The following TRIM67 variants were observed in gnomAD, a reference collection of about 807,000 sequenced individuals.
TRIM67 encodes the protein tripartite motif containing 67, also known as tripartite motif-containing protein 67.
In TRIM67, 39 loss-of-function variants were observed where a neutral mutation model predicts 71.0. The ratio of observed to expected loss-of-function variants is 0.55; its 90% confidence interval spans 0.43 to 0.72. The LOEUF (loss-of-function observed/expected upper bound fraction) is 0.72, where lower values mean the gene tolerates loss of function less well. Among genes scored for constraint, TRIM67 ranks in the 30% least tolerant of loss-of-function variants. The pLI is 0.00. For synonymous variants in TRIM67, 481 were observed against 473.9 expected (o/e 1.01, Z -0.19); for missense variants, 973 against 1,079.2 (o/e 0.90, Z 1.38).
At chr1:231,170,186 G>A (rs954114616) in intron 1 of TRIM67, among the ~76,000 whole-genome samples, 17 of 151,768 alleles carry the variant, frequency 1.1e-4, no homozygotes, top group South Asian at 8.3e-4. Context: ...GGGTTTCCCC[G>A]TGTTGGTCAA....
intron 1 of TRIM67, among the ~76,000 whole-genome samples, chr1:231,176,946 G>T (rs541092606): frequency 7.7e-6 from 1 of 129,914 alleles, no homozygotes; most frequent in Non-Finnish European, 1.6e-5. Flanking sequence ...ATCTCAATTT[G>T]CTCAGCTAAG....
rs1029904521 is a variant in TRIM67 at position 231,163,700 on chromosome 1, C to T, written c.731C>T (p.Pro244Leu). 2.0e-6 allele frequency: 3 copies of T among 1,508,146 alleles called. No individual in the cohort carries two copies. Among genetic ancestry groups the T allele is most frequent in the African/African-American group, 2.9e-5 (2 of 68,846 alleles). The allele number at this position is 1,508,146 out of a possible 1,614,324, so 93.4% of individuals were successfully genotyped here. Reference protein sequence around the residue: ...CQLKCHPSRGPFAKHRLVQPP... With the variant: ...CQLKCHPSRGLFAKHRLVQPP... ...CTCAAGTGCCATCCATCCCGGGGAC[C>T]CTTCGCCAAGCATCGCCTGGTGCAG... Residue 244 changes from proline (P) to leucine (L), a missense_variant, in exon 1 of 10, where the codon CCC becomes CTC. Transcript: ENST00000366653.
rs1682337123 is a variant in TRIM67, at chr1:231,163,143, G to A, written c.174G>A (p.Gln58=). 6.6e-7 allele frequency: 1 copy of A among 1,516,158 alleles called. No individual in the cohort carries two copies. The highest frequency in any genetic ancestry group is 1.2e-5 in the South Asian group (1 of 80,958). The allele number at this position is 1,516,158 out of a possible 1,614,324, so 93.9% of individuals were successfully genotyped here. ...TGCTTTCCCGGGGATCGGGGCTGCA[G>A]GCGGGCGCCGCCGCCGCTGCCTCTC... ...PLLLSRGSGL[Q]AGAAAAASLE... Residue 58 remains glutamine, a synonymous_variant, in exon 1 of 10, where the codon CAG becomes CAA. Coordinates refer to ENST00000366653, the MANE Select transcript of TRIM67 (RefSeq NM_001004342.5).
At chr1:231,169,168 C>T (rs1362833775) in intron 1 of TRIM67, among the ~76,000 whole-genome samples, 1 of 152,070 alleles carries the variant, frequency 6.6e-6, no homozygotes, top group Non-Finnish European at 1.5e-5. Flanking sequence ...GTGATTCTGC[C>T]TCAGCCTCCC....
chr1:231,200,310 G>C, intron 4 of TRIM67, 52 bp downstream of exon 4: 2 of 1,251,006 alleles, frequency 1.6e-6, no homozygotes, highest in Non-Finnish European at 2.3e-6. Flanking sequence ...CTGTCCCACT[G>C]TTCCCCAAAT....
Position 231,163,195 on chromosome 1 carries a change from G to T in TRIM67, c.226G>T (p.Ala76Ser). Reference protein sequence around the residue: ...SLEHDAAAGPACGGAGGSAAG... With the variant: ...SLEHDAAAGPSCGGAGGSAAG... Reference sequence around the variant, plus strand: ...GGAGCACGACGCTGCGGCTGGCCCGGCCTGCGGCGGTGCAGGCGGGAGTGC... The same window carrying T: ...GGAGCACGACGCTGCGGCTGGCCCGTCCTGCGGCGGTGCAGGCGGGAGTGC... Residue 76 changes from alanine to serine, a missense_variant, in exon 1 of 10, where the codon GCC (alanine) becomes TCC (serine). Physicochemically the swap from Ala to Ser is moderately conservative, Grantham distance 99. Coordinates refer to ENST00000366653, the MANE Select transcript of TRIM67 (RefSeq NM_001004342.5). The T allele has an allele frequency of 6.7e-7, 1 of 1,497,072 alleles. No homozygotes were observed. The highest frequency in any genetic ancestry group is 8.9e-7 in the Non-Finnish European group (1 of 1,126,008). The allele number at this position is 1,497,072 out of a possible 1,614,324, so 92.7% of individuals were successfully genotyped here. A position where few individuals can be genotyped will look rare whatever the true frequency, so the allele number is the denominator to read the frequency against.
chr1:231,172,104 A>G lies in TRIM67; in HGVS notation c.1044+8091A>G, dbSNP rs563732371. On this transcript the variant is annotated intron_variant, in intron 1 of 9. Coordinates refer to ENST00000366653, the MANE Select transcript of TRIM67 (RefSeq NM_001004342.5). Reference sequence around the variant, plus strand: ...CCCAACTCTAAAAACAAACAAACCAACAAACCAACAAAAACGGCCCCCTTT... The same window carrying G: ...CCCAACTCTAAAAACAAACAAACCAGCAAACCAACAAAAACGGCCCCCTTT... 9.9e-5 allele frequency among the ~76,000 whole-genome samples: 15 copies of G among 152,220 alleles called. No homozygotes were observed. The East Asian group carries it at 2.7e-3, about 27-fold the overall frequency.
At chr1:231,214,089 T>C in intron 9 of TRIM67, 112 bp downstream of exon 9, 1 of 1,288,488 alleles carries the variant, frequency 7.8e-7, no homozygotes, top group Admixed American at 2.9e-5. Flanking sequence ...CACAGAGCCT[T>C]CCCAGACAGA....
At chr1:231,174,154 T>TC (rs1424757155) in intron 1 of TRIM67, among the ~76,000 whole-genome samples, 1 of 27,894 alleles carries the variant, frequency 3.6e-5, no homozygotes, top group Non-Finnish European at 1.0e-4. Context: ...CTTATTTTCT[T>TC]TTTTTTTTTT....
In TRIM67 at chr1:231,163,018, C is replaced by T. The variant is rs774611136; in HGVS notation, c.49C>T (p.Pro17Ser). 6.2e-7 allele frequency: 1 copy of T among 1,612,794 alleles called. No individual in the cohort carries two copies. Among genetic ancestry groups the T allele is most frequent in the South Asian group, 1.1e-5 (1 of 90,890 alleles). ...CGTGTGCGGCTCTCTGTTTCGGGAG[C>T]CTATCATCCTGCCCTGTTCCCACAA... ...CPVCGSLFRE[P>S]IILPCSHNVC... Residue 17 changes from proline to serine, a missense_variant, in exon 1 of 10, where the codon CCT (proline) becomes TCT (serine). Around this residue, in one of 2 missense-constraint regions of TRIM67, gnomAD observed 795 missense variants for 831.3 expected, o/e 0.96. Transcript: ENST00000366653.
chr1:231,182,395 T>TA (rs1198571528), intron 1 of TRIM67, among the ~76,000 whole-genome samples: 1 of 151,472 alleles, frequency 6.6e-6, no homozygotes, highest in Non-Finnish European at 1.5e-5. Context: ...GACCCTGTCC[T>TA]AAAAAACAAA....
rs56115614 is a variant in TRIM67, at chr1:231,176,906, C to CAAAAAAAAAAAAAAAAAAAAAAAA, written c.1044+12910_1044+12911insAAAAAAAAAAAAAAAAAAAAAAAA. On this transcript the variant is annotated intron_variant, in intron 1 of 9. Transcript: ENST00000366653. The stretch of plus-strand genomic sequence containing the variant: ...TACCCTGTTTGCCAATACAATCTGG[C>CAAAAAAAAAAAAAAAAAAAAAAAA]AAAAAAAAAAAAAAAAACACCTTTC... Among the ~76,000 whole-genome samples the CAAAAAAAAAAAAAAAAAAAAAAAA allele has an allele frequency of 3.0e-4, 22 of 74,392 alleles. 1 individual carries two copies. The highest frequency in any genetic ancestry group is 5.4e-4 in the Non-Finnish European group (22 of 40,584). The allele number at this position is 74,392 out of a possible 152,430, so 48.8% of individuals were successfully genotyped here.
At chr1:231,197,847 A>AAGAAGGAGAAGG (rs200053870) in intron 2 of TRIM67, among the ~76,000 whole-genome samples, 143 of 151,610 alleles carry the variant, frequency 9.4e-4, no homozygotes, top group East Asian at 7.5e-3. Flanking sequence ...GAAGAAGAAG[A>AAGAAGGAGAAGG]AGAAGGAGAA....
chr1:231,200,149 T>C lies in TRIM67; in HGVS notation c.1265T>C (p.Met422Thr). 1 of 1,612,392 alleles carries C rather than the reference T, an allele frequency of 6.2e-7. No homozygotes were observed. The highest frequency in any genetic ancestry group is 2.2e-5 in the East Asian group (1 of 44,850). The change falls in exon 4 of 10, where the codon ATG becomes ACG. Residue 422 changes from methionine to threonine, a missense_variant and splice_region_variant. Physicochemically the swap from Met to Thr is moderately conservative, Grantham distance 81. Transcript: ENST00000366653. ...VTKEREHKLK[M>T]VWDQINHCTL... ...CTTAGAGGAGTCTTTCCATTGCAGA[T>C]GGTTTGGGACCAGATCAATCACTGC...
intron 1 of TRIM67, among the ~76,000 whole-genome samples, chr1:231,172,164 A>T (rs968012687): frequency 2.0e-5 from 3 of 152,230 alleles, no homozygotes; most frequent in Non-Finnish European, 4.4e-5. Context: ...ATAACTGTAA[A>T]AATGCAACAG....
rs1199871660 is a variant in TRIM67 at position 231,163,793 on chromosome 1, C to G, written c.824C>G (p.Pro275Arg). The G allele has an allele frequency of 6.7e-7, 1 of 1,489,548 alleles. No homozygotes were observed. The highest frequency in any genetic ancestry group is 9.0e-7 in the Non-Finnish European group (1 of 1,116,126). 92.3% of individuals were successfully genotyped at this position (1,489,548 alleles called of 1,614,324 possible). A position where few individuals can be genotyped will look rare whatever the true frequency, so the allele number is the denominator to read the frequency against. Residue 275 changes from proline (P) to arginine (R), a missense_variant, in exon 1 of 10, where the codon CCC becomes CGC. By Grantham distance (103) the Pro-to-Arg change is moderately radical (BLOSUM62 -2). This residue lies in a region of TRIM67 where 795 missense variants were observed against 831.3 expected (regional missense o/e 0.96). Transcript: ENST00000366653. ...SGPTGTAQGA[P>R]SGGGGCKSPG... Reference sequence around the variant, plus strand: ...CCCACTGGCACCGCCCAGGGCGCCCCCAGCGGAGGCGGCGGCTGCAAGAGC... The same window carrying G: ...CCCACTGGCACCGCCCAGGGCGCCCGCAGCGGAGGCGGCGGCTGCAAGAGC...
intron 1 of TRIM67, among the ~76,000 whole-genome samples, chr1:231,169,735 G>A (rs60947613): frequency 6.6e-6 from 1 of 152,046 alleles, no homozygotes; most frequent in Non-Finnish European, 1.5e-5. Flanking sequence ...TCTGGGAAAA[G>A]AAGTGCCTAG....
intron 1 of TRIM67, 38 bp from the exon 2 acceptor site, chr1:231,197,333 A>G (rs773470834): frequency 6.3e-7 from 1 of 1,594,996 alleles, no homozygotes; most frequent in South Asian, 1.1e-5. Flanking sequence ...TGCCTTTCAC[A>G]ACTAATTTTT....
chr1:231,214,747 C>G (rs1683968597), intron 9 of TRIM67, among the ~76,000 whole-genome samples: 1 of 148,008 alleles, frequency 6.8e-6, no homozygotes, highest in East Asian at 2.0e-4. Flanking sequence ...CCACTGCACT[C>G]CAGCCTGGGT....
Sources: gnomAD v4.1 joint callset for allele counts (sites outside exome capture counted in the v4.1 genomes callset) on GRCh38, gnomAD v4.1.1 for gene constraint, gnomAD v4.1.1 regional missense constraint, MANE v1.5 for transcripts, NCBI Gene and HGNC (gene_info 2026-07-23, HGNC 2026-07-21) for gene names.